Variants in RBPJ observed in about 807,000 individuals in gnomAD.
RBPJ encodes the protein recombining binding protein suppressor of hairless.
RBPJ carries 9 observed loss-of-function variants against 67.8 expected under a neutral mutation model. That is an observed-to-expected ratio of 0.13 (90% CI 0.08 to 0.23). RBPJ has a LOEUF of 0.23. Among genes scored for constraint, RBPJ ranks in the 10% least tolerant of loss-of-function variants. RBPJ has a pLI of 1.00. For missense variants in RBPJ, 305 were observed against 595.6 expected (o/e 0.51, Z 5.08); for synonymous variants, 198 against 203.3 (o/e 0.97, Z 0.22).
intron 1 of RBPJ, among the ~76,000 whole-genome samples, chr4:26,382,835 C>G (rs1316555749): frequency 6.6e-6 from 1 of 152,166 alleles, no homozygotes; most frequent in Admixed American, 6.5e-5. Context: ...GCTCTTGCGC[C>G]CAGCTAAAAT....
At chr4:26,428,066 GC>G (rs998505476) in intron 7 of RBPJ, among the ~76,000 whole-genome samples, 3 of 152,324 alleles carry the variant, frequency 2.0e-5, no homozygotes, top group Admixed American at 6.5e-5. Context: ...TGGTCCTTCA[GC>G]TACTAAACTG....
intron 3 of RBPJ, among the ~76,000 whole-genome samples, chr4:26,406,649 C>T (rs1481338505): frequency 6.6e-6 from 1 of 152,228 alleles, no homozygotes; most frequent in Admixed American, 6.5e-5. Context: ...CATCCATTGG[C>T]TGGAGCTGGA....
chr4:26,135,141 C>T, the RBPJ span, among the ~76,000 whole-genome samples: 9 of 152,142 alleles, frequency 5.9e-5, no homozygotes, highest in Admixed American at 3.3e-4. Flanking sequence ...GTCCTATTCA[C>T]CCCTCAACAT....
At chr4:26,335,383 T>C (rs1724703838) in intron 1 of RBPJ, among the ~76,000 whole-genome samples, 1 of 151,942 alleles carries the variant, frequency 6.6e-6, no homozygotes. Context: ...GGTTTCACCA[T>C]GTTGGCCAGG....
intron 1 of RBPJ, among the ~76,000 whole-genome samples, chr4:26,223,449 T>C (rs1718980923): frequency 6.6e-6 from 1 of 152,200 alleles, no homozygotes; most frequent in Non-Finnish European, 1.5e-5. Flanking sequence ...AAAATCTGCC[T>C]GAAGGAGGTT....
intron 1 of RBPJ, among the ~76,000 whole-genome samples, chr4:26,335,022 A>G (rs867191093): frequency 2.0e-5 from 3 of 152,136 alleles, no homozygotes; most frequent in Non-Finnish European, 4.4e-5. Flanking sequence ...CCTTTTCCAA[A>G]ACAACTTGTT....
At chr4:26,234,857 T>C (rs1719405241) in intron 1 of RBPJ, among the ~76,000 whole-genome samples, 1 of 152,030 alleles carries the variant, frequency 6.6e-6, no homozygotes, top group South Asian at 2.1e-4. Context: ...CACGCCCAGC[T>C]AATTTTTGTA....
chr4:26,251,267 C>T (rs531726030), intron 1 of RBPJ, among the ~76,000 whole-genome samples: 9 of 152,216 alleles, frequency 5.9e-5, no homozygotes, highest in African/African-American at 1.7e-4. Context: ...ACATCATGTG[C>T]ACCATGGAAT....
chr4:26,132,809 C>G, the RBPJ span, among the ~76,000 whole-genome samples: 1 of 151,928 alleles, frequency 6.6e-6, no homozygotes, highest in Non-Finnish European at 1.5e-5. Flanking sequence ...TACTTCTCAA[C>G]CCCCCCACCC....
the RBPJ span, among the ~76,000 whole-genome samples, chr4:26,140,675 C>A: frequency 7.5e-6 from 1 of 133,370 alleles, no homozygotes; most frequent in Non-Finnish European, 1.6e-5. Flanking sequence ...GACTTCATCC[C>A]AGGATGGTCA....
chr4:26,256,127 G>C (rs1168737448), intron 1 of RBPJ, among the ~76,000 whole-genome samples: 1 of 151,996 alleles, frequency 6.6e-6, no homozygotes, highest in Non-Finnish European at 1.5e-5. Context: ...AACTCTCAAA[G>C]ATATATGGTC....
chr4:26,393,464 T>C (rs1212304911), intron 2 of RBPJ, among the ~76,000 whole-genome samples: 1 of 152,098 alleles, frequency 6.6e-6, no homozygotes, highest in African/African-American at 2.4e-5. Context: ...AACCTCCGCC[T>C]CCCAGGTTCA....
At chr4:26,168,973 T>C (rs984924904) in intron 1 of RBPJ, among the ~76,000 whole-genome samples, 1 of 152,254 alleles carries the variant, frequency 6.6e-6, no homozygotes, top group Non-Finnish European at 1.5e-5. Flanking sequence ...TACATTCGTC[T>C]AAATATTTTT....
intron 1 of RBPJ, among the ~76,000 whole-genome samples, chr4:26,204,974 C>T (rs1223450681): frequency 6.6e-6 from 1 of 152,128 alleles, no homozygotes. Context: ...TGGAGTTGGC[C>T]ACCTTTCCAA....
At chr4:26,279,784 TC>T (rs371316311) in intron 1 of RBPJ, among the ~76,000 whole-genome samples, 4 of 126,324 alleles carry the variant, frequency 3.2e-5, no homozygotes, top group African/African-American at 1.1e-4. Context: ...GTTGAAATTG[TC>T]TTTTTTTTTT....
intron 1 of RBPJ, among the ~76,000 whole-genome samples, chr4:26,194,600 A>G (rs1049156208): frequency 3.3e-5 from 5 of 152,192 alleles, no homozygotes; most frequent in African/African-American, 1.2e-4. Flanking sequence ...CCCCCAGAAC[A>G]GATTTCTGGG....
chr4:26,245,820 T>A (rs1325167647), intron 1 of RBPJ, among the ~76,000 whole-genome samples: 3 of 152,224 alleles, frequency 2.0e-5, no homozygotes. Flanking sequence ...TTGAAAAGAC[T>A]ATTCTTTCCT....
chr4:26,306,149 C>T (rs1484113733), intron 1 of RBPJ, among the ~76,000 whole-genome samples: 3 of 152,062 alleles, frequency 2.0e-5, no homozygotes, highest in Non-Finnish European at 4.4e-5. Context: ...TCTGAAGATA[C>T]AGACACTTTT....
the RBPJ span, among the ~76,000 whole-genome samples, chr4:26,115,671 AAGTGAG>A: frequency 1.3e-5 from 2 of 152,184 alleles, no homozygotes; most frequent in African/African-American, 4.8e-5. Context: ...TATAAGTTTT[AAGTGAG>A]ATATTATTTC....
Sources: allele counts gnomAD v4.1 joint callset (sites outside exome capture counted in the v4.1 genomes callset), GRCh38; gene constraint gnomAD v4.1.1; transcripts MANE v1.5; gene names NCBI Gene and HGNC (gene_info 2026-07-23, HGNC 2026-07-21).